The following SLIT3 variants were observed in gnomAD, a reference collection of about 807,000 sequenced individuals.
The protein encoded by SLIT3 is slit guidance ligand 3.
In SLIT3, 68 loss-of-function variants were observed where a neutral mutation model predicts 184.0. The ratio of observed to expected loss-of-function variants is 0.37; its 90% confidence interval spans 0.30 to 0.45. The LOEUF (loss-of-function observed/expected upper bound fraction) is 0.45. SLIT3 is among the 20% of genes least tolerant of loss of function. The pLI is 1.00. For synonymous variants in SLIT3, 831 were observed against 828.6 expected, an observed-to-expected ratio of 1.00 and a Z score of -0.05; for missense variants, 1,707 against 2,026.0, an observed-to-expected ratio of 0.84 and a Z score of 3.02.
chr5:169,042,824 TC>T (rs1427681609), intron 4 of SLIT3, among the ~76,000 whole-genome samples: 1 of 152,074 alleles, frequency 6.6e-6, no homozygotes, highest in Non-Finnish European at 1.5e-5. Context: ...TTTTAAGAAA[TC>T]CTGTTATTCA....
intron 8 of SLIT3, among the ~76,000 whole-genome samples, chr5:168,810,577 G>T (rs999228806): frequency 6.6e-6 from 1 of 152,348 alleles, no homozygotes; most frequent in East Asian, 1.9e-4. Context: ...AGGGGGCTGA[G>T]GATGTGGCTC....
At chr5:168,997,682 G>C (rs1051644988) in intron 4 of SLIT3, among the ~76,000 whole-genome samples, 1 of 152,066 alleles carries the variant, frequency 6.6e-6, no homozygotes, top group Non-Finnish European at 1.5e-5. Context: ...CTTTGTTTCC[G>C]GTCACCATGC....
chr5:169,171,653 G>A (rs1470475553), intron 4 of SLIT3, among the ~76,000 whole-genome samples: 2 of 152,222 alleles, frequency 1.3e-5, no homozygotes, highest in Admixed American at 1.3e-4. Flanking sequence ...GAGCAAACAA[G>A]GTCCCTGCCC....
At chr5:168,952,644 G>A (rs1479470361) in intron 4 of SLIT3, among the ~76,000 whole-genome samples, 1 of 151,632 alleles carries the variant, frequency 6.6e-6, no homozygotes, top group Non-Finnish European at 1.5e-5. Context: ...GAAAGAAAGG[G>A]CAAGGGTAGT....
intron 12 of SLIT3, among the ~76,000 whole-genome samples, chr5:168,783,427 G>A (rs1036573876): frequency 6.6e-6 from 1 of 151,928 alleles, no homozygotes; most frequent in Non-Finnish European, 1.5e-5. Flanking sequence ...AGGAGTGGGG[G>A]AAGATGGGAG....
At chr5:168,921,813 C>T (rs1761644135) in intron 4 of SLIT3, among the ~76,000 whole-genome samples, 1 of 152,166 alleles carries the variant, frequency 6.6e-6, no homozygotes, top group Non-Finnish European at 1.5e-5. Flanking sequence ...AAATGCTATC[C>T]TTCTTCAAAT....
chr5:168,777,618 T>C (rs192641081), intron 12 of SLIT3, among the ~76,000 whole-genome samples: 1 of 152,298 alleles, frequency 6.6e-6, no homozygotes, highest in Admixed American at 6.5e-5. Flanking sequence ...TAGGCAAAGA[T>C]AGCCCAAGGT....
intron 4 of SLIT3, among the ~76,000 whole-genome samples, chr5:168,966,665 T>C (rs1463824963): frequency 2.9e-4 from 44 of 152,166 alleles, no homozygotes; most frequent in Admixed American, 2.9e-3. Context: ...GCAAAACCTA[T>C]TTCTGGGCAC....
intron 4 of SLIT3, among the ~76,000 whole-genome samples, chr5:169,164,422 A>T (rs1323580791): frequency 1.3e-5 from 2 of 152,198 alleles, no homozygotes; most frequent in Non-Finnish European, 2.9e-5. Context: ...TGTTTTAAGT[A>T]GAAATTATCC....
At chr5:169,194,287 A>G (rs185609345) in intron 3 of SLIT3, among the ~76,000 whole-genome samples, 86 of 151,542 alleles carry the variant, frequency 5.7e-4, no homozygotes, top group Non-Finnish European at 7.5e-4. Flanking sequence ...CTTAAATGAA[A>G]TATCAGAGGA....
chr5:169,085,290 A>G (rs1561654098), intron 4 of SLIT3, among the ~76,000 whole-genome samples: 1 of 152,122 alleles, frequency 6.6e-6, no homozygotes, highest in African/African-American at 2.4e-5. Flanking sequence ...GGCTGGTCCA[A>G]TTTCTTTGTG....
intron 4 of SLIT3, among the ~76,000 whole-genome samples, chr5:169,180,995 G>T (rs897721516): frequency 1.3e-5 from 2 of 152,110 alleles, no homozygotes; most frequent in Admixed American, 1.3e-4. Flanking sequence ...CTCCCTGGAG[G>T]CCAGAAAACA....
At chr5:168,997,482 G>A (rs1424769661) in intron 4 of SLIT3, among the ~76,000 whole-genome samples, 3 of 152,148 alleles carry the variant, frequency 2.0e-5, no homozygotes, top group East Asian at 1.9e-4. Context: ...AGAAAGGGAT[G>A]GGGGTAGAGG....
intron 4 of SLIT3, among the ~76,000 whole-genome samples, chr5:169,148,751 T>C: frequency 6.6e-6 from 1 of 152,180 alleles, no homozygotes; most frequent in Middle Eastern, 3.2e-3. Context: ...AATAATGTAA[T>C]AAATGTTTAA....
chr5:168,918,106 C>G lies in SLIT3; in HGVS notation c.414-34770G>C, dbSNP rs1761504977. 2.6e-5 allele frequency among the ~76,000 whole-genome samples: 4 copies of G among 152,156 alleles called. 1 individual carries two copies. The South Asian group carries it at 8.3e-4, about 32-fold the overall frequency. The stretch of plus-strand genomic sequence containing the variant: ...CTCTCCCTTTTTTTTTCCCAACATC[C>G]TGGTGCTTCAGAGATGTTATATTAG... On this transcript the variant is annotated intron_variant, in intron 4 of 35. Coordinates refer to ENST00000519560, the MANE Select transcript of SLIT3 (RefSeq NM_003062.4).
intron 4 of SLIT3, among the ~76,000 whole-genome samples, chr5:168,908,310 T>C (rs980500281): frequency 2.6e-5 from 4 of 152,044 alleles, no homozygotes; most frequent in African/African-American, 9.7e-5. Context: ...GTCACCTGGG[T>C]CGTCCTGACC....
chr5:168,930,049 G>T (rs764779349), intron 4 of SLIT3, among the ~76,000 whole-genome samples: 36 of 152,218 alleles, frequency 2.4e-4, no homozygotes, highest in Non-Finnish European at 4.3e-4. Context: ...CAGAGGTGAG[G>T]TCCTAGTCAG....
intron 4 of SLIT3, among the ~76,000 whole-genome samples, chr5:168,928,163 T>C (rs964839657): frequency 2.6e-5 from 4 of 152,246 alleles, no homozygotes; most frequent in African/African-American, 7.2e-5. Context: ...TCCAAATTTT[T>C]GCAGTTTTTT....
Position 169,152,606 on chromosome 5 carries a change from G to A in SLIT3, c.413+40873C>T, listed in dbSNP as rs548425175. On this transcript the variant is annotated intron_variant, in intron 4 of 35. Coordinates refer to ENST00000519560, the MANE Select transcript of SLIT3 (RefSeq NM_003062.4). ...TTACAGGTGAGTATATGGGCTGAGA[G>A]TCTACTCTAGAGCTGTGTGGGCGTG... Among the ~76,000 whole-genome samples, 79 of 152,276 alleles carry A rather than the reference G, an allele frequency of 5.2e-4. 1 individual carries two copies. The South Asian group carries it at 0.016, about 30-fold the overall frequency.
Sources: allele counts gnomAD v4.1 joint callset (sites outside exome capture counted in the v4.1 genomes callset), GRCh38; gene constraint gnomAD v4.1.1; transcripts MANE v1.5; gene names NCBI Gene and HGNC (gene_info 2026-07-23, HGNC 2026-07-21).